CARF: variants seen among roughly 807,000 people sequenced by gnomAD.
The protein encoded by CARF is calcium-responsive transcription factor.
CARF carries 57 observed loss-of-function variants against 82.0 expected under a neutral mutation model. That is an observed-to-expected ratio of 0.70 (90% CI 0.56 to 0.87). The LOEUF (loss-of-function observed/expected upper bound fraction) is 0.87, where lower values mean the gene tolerates loss of function less well. Among genes scored for constraint, CARF ranks in the 40% least tolerant of loss-of-function variants. The pLI is 0.00. For synonymous variants in CARF, 268 were observed against 290.1 expected (o/e 0.92, Z 0.77); for missense variants, 771 against 855.8 (o/e 0.90, Z 1.24).
chr2:202,926,310 C>T (rs1691813499), intron 3 of CARF, among the ~76,000 whole-genome samples: 1 of 152,156 alleles, frequency 6.6e-6, no homozygotes, highest in Non-Finnish European at 1.5e-5. Context: ...CTTTGGGAGC[C>T]TTCTGGTTAA....
At chr2:202,918,567 T>A (rs1425601236) in intron 2 of CARF, among the ~76,000 whole-genome samples, 1 of 152,020 alleles carries the variant, frequency 6.6e-6, no homozygotes, top group Non-Finnish European at 1.5e-5. Flanking sequence ...AAAAAAACTT[T>A]ACTTTGACGG....
intron 1 of CARF, among the ~76,000 whole-genome samples, chr2:202,915,678 C>T (rs1322513182): frequency 6.6e-6 from 1 of 152,010 alleles, no homozygotes; most frequent in Non-Finnish European, 1.5e-5. Flanking sequence ...TCATGTTGGC[C>T]AGGATGGTCT....
rs900495029 is a variant in CARF, at chr2:202,967,161, A to G, written c.953+63A>G. ...ACTTATTTTTGAATAGCTAATACAC[A>G]TATTTTTATTAGGTTTATACAGTAC... On this transcript the variant is annotated intron_variant, in intron 10 of 16. Transcript: ENST00000438828. The G allele has an allele frequency of 5.2e-6, 8 of 1,546,042 alleles. No homozygotes were observed. In the Admixed American group the frequency reaches 1.5e-4, roughly 30 times the overall value.
At chr2:202,963,487 G>T (rs925152176) in intron 9 of CARF, among the ~76,000 whole-genome samples, 1 of 152,118 alleles carries the variant, frequency 6.6e-6, no homozygotes, top group African/African-American at 2.4e-5. Context: ...CAATATTTTT[G>T]GCACCAGGGA....
rs187748275 is a variant in CARF, at chr2:202,924,969, C to G, written c.-44+554C>G. 874 of 337,054 alleles carry G rather than the reference C, an allele frequency of 2.6e-3. 9 individuals are homozygous for G. Among genetic ancestry groups the G allele is most frequent in the African/African-American group, 0.018 (822 of 46,654 alleles). 20.9% of individuals were successfully genotyped at this position (337,054 alleles called of 1,614,324 possible). ...TTGCCCCCTTCACTGAGAAGGTACC[C>G]TTCCTGGAGCAGCAGAACAAGATAC... On this transcript the variant is annotated intron_variant, in intron 3 of 16. Transcript: ENST00000438828.
chr2:202,914,370 A>G (rs968447742), intron 1 of CARF, among the ~76,000 whole-genome samples: 3 of 152,164 alleles, frequency 2.0e-5, no homozygotes, highest in Admixed American at 6.6e-5. Flanking sequence ...TTTTTTTCCA[A>G]TTTGATTATG....
intron 10 of CARF, among the ~76,000 whole-genome samples, chr2:202,967,302 T>TGC: frequency 6.6e-6 from 1 of 152,322 alleles, no homozygotes; most frequent in South Asian, 2.1e-4. Context: ...TGTATATGGA[T>TGC]GCATATAAAG....
intron 2 of CARF, among the ~76,000 whole-genome samples, chr2:202,918,554 CAAA>C (rs977652611): frequency 1.3e-5 from 2 of 150,412 alleles, no homozygotes; most frequent in African/African-American, 4.9e-5. Flanking sequence ...ACAAAAAAAA[CAAA>C]AAAAAACTTT....
intron 3 of CARF, chr2:202,925,080 A>G (rs140606455): frequency 0.014 from 5,610 of 413,990 alleles, 63 homozygotes; most frequent in Non-Finnish European, 0.017. Context: ...TCAACAACCT[A>G]AAGCAGCAAC....
chr2:202,943,007 G>C (rs763985667), intron 5 of CARF, 40 bp downstream of exon 5: 4 of 1,487,088 alleles, frequency 2.7e-6, no homozygotes, highest in Non-Finnish European at 3.7e-6. Flanking sequence ...ATGCCGTTTA[G>C]CAAAATGTAT....
Position 202,941,985 on chromosome 2 carries a change from G to C in CARF, c.78+5G>C. On this transcript the variant is annotated splice_donor_5th_base_variant and intron_variant, in intron 4 of 16. Transcript: ENST00000438828. Reference sequence around the variant, plus strand: ...ACCAGTGCTCAAGTATTTGAGGTATGGATTCAGCTGGGAACCTTTTTCCAT... The same window carrying C: ...ACCAGTGCTCAAGTATTTGAGGTATCGATTCAGCTGGGAACCTTTTTCCAT... The C allele has an allele frequency of 6.2e-7, 1 of 1,611,602 alleles. No homozygotes were observed. Among genetic ancestry groups the C allele is most frequent in the African/African-American group, 1.3e-5 (1 of 74,944 alleles).
chr2:202,983,083 G>A (rs1356518413), intron 16 of CARF, among the ~76,000 whole-genome samples: 3 of 151,894 alleles, frequency 2.0e-5, no homozygotes, highest in Non-Finnish European at 4.4e-5. Flanking sequence ...AAACCAGCCT[G>A]TTGCGCAGGC....
At position 202,954,046 on chromosome 2, in the gene CARF, G is replaced by A; in HGVS notation, c.469G>A (p.Val157Ile). 6.2e-7 allele frequency: 1 copy of A among 1,612,396 alleles called. No individual in the cohort carries two copies. The highest frequency in any genetic ancestry group is 8.5e-7 in the Non-Finnish European group (1 of 1,179,346). ...EKPSNRNLPTVRVDTLADNTS... is the reference protein window; with the variant it reads ...EKPSNRNLPTIRVDTLADNTS... ...ACCCAGTAACAGAAACTTACCAACT[G>A]TAAGAGTGGATACTCTAGCAGACAA... is the stretch of plus-strand genomic sequence containing the variant. The change falls in exon 7 of 17, where the codon GTA (valine) becomes ATA (isoleucine). Residue 157 changes from valine to isoleucine, a missense_variant. Val to Ile is a conservative substitution (Grantham distance 29, BLOSUM62 3). Transcript: ENST00000438828.
intron 3 of CARF, among the ~76,000 whole-genome samples, chr2:202,932,153 G>A (rs1693054675): frequency 6.6e-6 from 1 of 152,076 alleles, no homozygotes; most frequent in Non-Finnish European, 1.5e-5. Flanking sequence ...GGAGAGCTCT[G>A]GGCAGATGAC....
At chr2:202,930,105 TGGCTCGATCTC>T in intron 3 of CARF, among the ~76,000 whole-genome samples, 1 of 152,076 alleles carries the variant, frequency 6.6e-6, no homozygotes, top group Non-Finnish European at 1.5e-5. Context: ...TGGAGTGCAG[TGGCTCGATCTC>T]GGCTCACTCC....
chr2:202,926,272 A>G (rs1437090983), intron 3 of CARF, among the ~76,000 whole-genome samples: 2 of 152,142 alleles, frequency 1.3e-5, no homozygotes. Flanking sequence ...CCTCTTTTTC[A>G]TGCTCGCAAC....
At chr2:202,929,151 T>A (rs1419189662) in intron 3 of CARF, among the ~76,000 whole-genome samples, 3 of 152,272 alleles carry the variant, frequency 2.0e-5, no homozygotes, top group Non-Finnish European at 4.4e-5. Flanking sequence ...GCAGGTTGTC[T>A]CTTCACTCTG....
At position 202,981,586 on chromosome 2, in the gene CARF, A is replaced by C; in HGVS notation, c.1590A>C (p.Lys530Asn). The change falls in exon 15 of 17, where the codon AAA becomes AAC. Residue 530 changes from lysine to asparagine, a missense_variant. Physicochemically the swap from Lys to Asn is moderately conservative, Grantham distance 94. Coordinates refer to ENST00000438828, the MANE Select transcript of CARF (RefSeq NM_024744.17). ...CACCAGGAGAATCAATTACCACCAA[A>C]GTGGAAACAAATCAGACCAGGGGTT... ...GNSPGESITT[K>N]VETNQTRGSL... 6 of 1,606,174 alleles carry C rather than the reference A, an allele frequency of 3.7e-6. No homozygotes were observed. Among genetic ancestry groups the C allele is most frequent in the Non-Finnish European group, 5.1e-6 (6 of 1,175,224 alleles).
chr2:202,938,551 T>A (rs1271682371), intron 3 of CARF, among the ~76,000 whole-genome samples: 2 of 151,370 alleles, frequency 1.3e-5, no homozygotes, highest in Admixed American at 6.6e-5. Context: ...GATTACAGGG[T>A]GAGCCACCGT....
Sources: gnomAD v4.1 joint callset for allele counts (sites outside exome capture counted in the v4.1 genomes callset) on GRCh38, gnomAD v4.1.1 for gene constraint, MANE v1.5 for transcripts, NCBI Gene and HGNC (gene_info 2026-07-23, HGNC 2026-07-21) for gene names.